Variants in ZDHHC17 observed in about 807,000 individuals in gnomAD.
The protein encoded by ZDHHC17 is palmitoyltransferase ZDHHC17.
ZDHHC17 carries 40 observed loss-of-function variants against 90.3 expected under a neutral mutation model. The ratio of observed to expected loss-of-function variants is 0.44; its 90% CI spans 0.34 to 0.58. The LOEUF is 0.58. Among genes scored for constraint, ZDHHC17 ranks in the 20% least tolerant of loss-of-function variants. ZDHHC17 has a pLI of 0.01. For missense variants in ZDHHC17, 614 were observed against 780.8 expected (o/e 0.79, Z 2.55); for synonymous variants, 235 against 252.4 (o/e 0.93, Z 0.65).
intron 1 of ZDHHC17, among the ~76,000 whole-genome samples, chr12:76,770,192 A>G (rs895506447): frequency 6.6e-6 from 1 of 152,220 alleles, no homozygotes; most frequent in Non-Finnish European, 1.5e-5. Flanking sequence ...GTAAACAACA[A>G]TAAGTGTTGG....
intron 4 of ZDHHC17, 86 bp downstream of exon 4, chr12:76,809,206 G>T: frequency 1.2e-6 from 1 of 824,572 alleles, no homozygotes; most frequent in Non-Finnish European, 1.8e-6. Context: ...ATACTAAAAT[G>T]AATAGGAGAG....
intron 1 of ZDHHC17, among the ~76,000 whole-genome samples, chr12:76,769,616 G>A (rs1374547806): frequency 2.0e-5 from 3 of 151,960 alleles, no homozygotes; most frequent in African/African-American, 7.3e-5. Flanking sequence ...CAGCAAAAAT[G>A]TTATAGGTCA....
chr12:76,771,579 T>C (rs1208523590), intron 1 of ZDHHC17, among the ~76,000 whole-genome samples: 1 of 152,186 alleles, frequency 6.6e-6, no homozygotes, highest in East Asian at 1.9e-4. Flanking sequence ...TGTTGTATTC[T>C]AGAAAAAAAT....
intron 1 of ZDHHC17, among the ~76,000 whole-genome samples, chr12:76,780,440 C>A (rs1952609155): frequency 6.6e-6 from 1 of 152,198 alleles, no homozygotes; most frequent in African/African-American, 2.4e-5. Context: ...TTGGCTCTAC[C>A]AGATCATTTC....
chr12:76,779,649 T>C (rs1316841598), intron 1 of ZDHHC17, among the ~76,000 whole-genome samples: 3 of 152,186 alleles, frequency 2.0e-5, no homozygotes, highest in Admixed American at 6.5e-5. Context: ...CATAACAGTC[T>C]TTCCCAGAGC....
At chr12:76,769,260 A>C (rs145823543) in intron 1 of ZDHHC17, 1,782 of 165,998 alleles carry the variant, frequency 0.011, 12 homozygotes, top group Non-Finnish European at 0.016. Context: ...GGGTTTCACC[A>C]TGTTGGCCAG....
chr12:76,824,340 A>G (rs543751409), intron 8 of ZDHHC17, among the ~76,000 whole-genome samples: 1 of 152,080 alleles, frequency 6.6e-6, no homozygotes, highest in African/African-American at 2.4e-5. Context: ...ATTTTTATAA[A>G]GGTTCCTTTT....
chr12:76,775,718 A>C, intron 1 of ZDHHC17, among the ~76,000 whole-genome samples: 1 of 152,200 alleles, frequency 6.6e-6, no homozygotes, highest in South Asian at 2.1e-4. Context: ...AAAATTTAGA[A>C]CAATACCTGG....
intron 1 of ZDHHC17, among the ~76,000 whole-genome samples, chr12:76,776,994 A>C (rs1952567284): frequency 6.6e-6 from 1 of 152,194 alleles, no homozygotes; most frequent in Non-Finnish European, 1.5e-5. Context: ...TAACACGGAG[A>C]GATCTCATGT....
rs544367182 is a variant in ZDHHC17 at position 76,826,520 on chromosome 12, T to C, written c.898-388T>C. Among the ~76,000 whole-genome samples, 7 of 152,350 alleles carry C rather than the reference T, an allele frequency of 4.6e-5. No individual in the cohort carries two copies. The South Asian group carries it at 1.4e-3, about 32-fold the overall frequency. On this transcript the variant is annotated intron_variant, in intron 8 of 16. Coordinates refer to ENST00000426126, the MANE Select transcript of ZDHHC17 (RefSeq NM_015336.4). ...CATCTTCAGGTTTCCTTATGTGTTA[T>C]AATTCTTATACTATTAGTCATTCTA...
In ZDHHC17 at chr12:76,764,190, C is replaced by T. The variant is rs377178561; in HGVS notation, c.-47C>T. 1.3e-4 allele frequency: 189 copies of T among 1,480,456 alleles called. No individual in the cohort carries two copies. In the African/African-American group the frequency reaches 2.4e-3, roughly 19 times the overall value. The allele number at this position is 1,480,456 out of a possible 1,614,324, so 91.7% of individuals were successfully genotyped here. A position where few individuals can be genotyped will look rare whatever the true frequency, so the allele number is the denominator to read the frequency against. On this transcript the variant is annotated 5_prime_UTR_variant, in exon 1 of 17. Coordinates refer to ENST00000426126, the MANE Select transcript of ZDHHC17 (RefSeq NM_015336.4). Reference sequence around the variant, plus strand: ...GGGCTCGCGCTCGCCCCGCGCTCGCCCTCCGCCTCGCCCGAGCCCCGGGAG... The same window carrying T: ...GGGCTCGCGCTCGCCCCGCGCTCGCTCTCCGCCTCGCCCGAGCCCCGGGAG...
chr12:76,803,508 C>T (rs899297982), intron 2 of ZDHHC17, among the ~76,000 whole-genome samples: 2 of 152,174 alleles, frequency 1.3e-5, no homozygotes, highest in African/African-American at 4.8e-5. Flanking sequence ...ATGGTAATTA[C>T]TCAGCTCTCC....
chr12:76,801,778 AGTT>A (rs1952894876), intron 2 of ZDHHC17, among the ~76,000 whole-genome samples: 1 of 152,216 alleles, frequency 6.6e-6, no homozygotes, highest in African/African-American at 2.4e-5. Context: ...TACGCTTTTT[AGTT>A]GTTGATGTCA....
Position 76,768,204 on chromosome 12 carries a change from T to A in ZDHHC17, c.93+3875T>A, listed in dbSNP as rs114001293. 3.3e-3 allele frequency among the ~76,000 whole-genome samples: 506 copies of A among 152,336 alleles called. 3 individuals are homozygous for A. Among genetic ancestry groups the A allele is most frequent in the African/African-American group, 0.012 (483 of 41,574 alleles). On this transcript the variant is annotated intron_variant, in intron 1 of 16. Transcript: ENST00000426126. ...TTGAAATAGGTGATTATTTGTTTTA[T>A]TGAAATGAAAGAAATTAAAGGCTCT...
intron 8 of ZDHHC17, among the ~76,000 whole-genome samples, chr12:76,825,962 G>A (rs997018048): frequency 2.0e-5 from 3 of 152,026 alleles, no homozygotes; most frequent in Admixed American, 1.3e-4. Context: ...TACAGTACAG[G>A]TGCGTGCTAC....
chr12:76,843,432 T>A (rs1953458573), intron 12 of ZDHHC17, among the ~76,000 whole-genome samples: 1 of 152,042 alleles, frequency 6.6e-6, no homozygotes, highest in South Asian at 2.1e-4. Flanking sequence ...GTGGTTTTTT[T>A]TGTTTTGTTT....
intron 3 of ZDHHC17, among the ~76,000 whole-genome samples, chr12:76,807,606 T>TA (rs1952969808): frequency 6.6e-6 from 1 of 152,180 alleles, no homozygotes; most frequent in South Asian, 2.1e-4. Context: ...CAATGAAAAG[T>TA]AATAGAAGTT....
intron 10 of ZDHHC17, among the ~76,000 whole-genome samples, chr12:76,834,617 C>T (rs963261830): frequency 6.6e-6 from 1 of 152,172 alleles, no homozygotes; most frequent in Non-Finnish European, 1.5e-5. Flanking sequence ...CACCACTTTT[C>T]ATGAATTTTA....
chr12:76,819,987 A>C (rs10862579), intron 7 of ZDHHC17, among the ~76,000 whole-genome samples: 89,929 of 148,088 alleles, frequency 0.61, 27,359 homozygotes, highest in East Asian at 0.67. Flanking sequence ...GAGTGAAACT[A>C]TGTCTTAAAA....
Sources: allele counts gnomAD v4.1 joint callset (sites outside exome capture counted in the v4.1 genomes callset), GRCh38; gene constraint gnomAD v4.1.1; transcripts MANE v1.5; gene names NCBI Gene and HGNC (gene_info 2026-07-23, HGNC 2026-07-21).